The following THADA variants were observed in gnomAD, a reference collection of about 807,000 sequenced individuals.
THADA encodes the protein THADA armadillo repeat containing.
THADA carries 213 observed loss-of-function variants against 219.8 expected under a neutral mutation model. That is an observed-to-expected ratio of 0.97 (90% CI 0.87 to 1.09). THADA has a LOEUF of 1.09. Among genes scored for constraint, THADA ranks in the 50% least tolerant of loss-of-function variants. THADA has a pLI of 0.00. For missense variants in THADA, 2,956 were observed against 2,311.3 expected (o/e 1.28, Z -5.72); for synonymous variants, 1,018 against 828.9 (o/e 1.23, Z -3.92).
Position 43,577,071 on chromosome 2 carries a change from C to G in THADA, c.988G>C (p.Glu330Gln). 1 of 1,613,560 alleles carries G rather than the reference C, an allele frequency of 6.2e-7. No individual in the cohort carries two copies. The highest frequency in any genetic ancestry group is 1.3e-5 in the African/African-American group (1 of 75,044). ...WQNGSMGRSG[E>Q]ALLLDTAHVL... ...TGTGCAGTATCCAAGAGCAGGGCCT[C>G]CCCACTCCGACCCATGCTTCCGTTC... The change falls in exon 10 of 38, where the codon GAG becomes CAG. Residue 330 changes from glutamate to glutamine, a missense_variant. Transcript: ENST00000405975.
intron 25 of THADA, among the ~76,000 whole-genome samples, chr2:43,494,383 A>C (rs1485973312): frequency 6.6e-6 from 1 of 152,156 alleles, no homozygotes; most frequent in Non-Finnish European, 1.5e-5. Flanking sequence ...ATAAAATGTT[A>C]GGACCCGGGC....
At chr2:43,238,366 T>C (rs1160695830) in intron 36 of THADA, among the ~76,000 whole-genome samples, 1 of 152,030 alleles carries the variant, frequency 6.6e-6, no homozygotes, top group Non-Finnish European at 1.5e-5. Context: ...AATAAACACA[T>C]GAAAAGATGC....
At chr2:43,353,166 T>G (rs2104564961) in intron 29 of THADA, among the ~76,000 whole-genome samples, 1 of 152,330 alleles carries the variant, frequency 6.6e-6, no homozygotes, top group Middle Eastern at 3.4e-3. Context: ...ATACCCAGGT[T>G]ATTTCACTTT....
At chr2:43,275,858 C>A (rs1572876323) in intron 36 of THADA, among the ~76,000 whole-genome samples, 1 of 152,190 alleles carries the variant, frequency 6.6e-6, no homozygotes, top group South Asian at 2.1e-4. Flanking sequence ...CATGCAAATG[C>A]CAGGATTTAA....
chr2:43,290,931 C>T (rs1558526940), intron 34 of THADA, among the ~76,000 whole-genome samples: 1 of 152,070 alleles, frequency 6.6e-6, no homozygotes. Context: ...ATCTGGGCCT[C>T]CATCCAGAGC....
intron 29 of THADA, among the ~76,000 whole-genome samples, chr2:43,388,219 T>C (rs1028572774): frequency 2.0e-5 from 3 of 152,156 alleles, no homozygotes; most frequent in Admixed American, 6.5e-5. Context: ...ACAAATCCCT[T>C]CACATTATGG....
intron 34 of THADA, among the ~76,000 whole-genome samples, chr2:43,289,117 T>C (rs1377685033): frequency 2.6e-5 from 4 of 152,264 alleles, no homozygotes; most frequent in Non-Finnish European, 5.9e-5. Flanking sequence ...GTTTTCAAGG[T>C]TCACCCATGC....
At position 43,263,153 on chromosome 2, in the gene THADA, C is replaced by A. The variant is rs1671151759; in HGVS notation, c.5296+16612G>T. On this transcript the variant is annotated intron_variant, in intron 36 of 37. Transcript: ENST00000405975. ...GTTCCCTAAATGTGTCACGGCACTT[C>A]CTGGGTATACACTAATCCCTCCCCA... Among the ~76,000 whole-genome samples, 6 of 152,278 alleles carry A rather than the reference C, an allele frequency of 3.9e-5. 1 individual carries two copies. In the South Asian group the frequency reaches 1.2e-3, roughly 32 times the overall value.
chr2:43,583,091 T>G (rs1700631578), intron 7 of THADA, among the ~76,000 whole-genome samples: 1 of 152,206 alleles, frequency 6.6e-6, no homozygotes, highest in Non-Finnish European at 1.5e-5. Context: ...TGCTGATAAT[T>G]CCCAAATTTT....
intron 4 of THADA, 146 bp from the exon 5 acceptor site, chr2:43,587,148 C>T (rs935012963): frequency 1.2e-6 from 1 of 835,532 alleles, no homozygotes; most frequent in South Asian, 1.8e-5. Flanking sequence ...TACCATCACT[C>T]GAATTTCCTG....
At chr2:43,248,454 A>G (rs1239096690) in intron 36 of THADA, among the ~76,000 whole-genome samples, 1 of 151,492 alleles carries the variant, frequency 6.6e-6, no homozygotes, top group African/African-American at 2.4e-5. Context: ...CTGGTCTTGA[A>G]CTCCTGACCT....
intron 28 of THADA, among the ~76,000 whole-genome samples, chr2:43,405,393 T>A (rs972019819): frequency 6.6e-6 from 1 of 152,214 alleles, no homozygotes; most frequent in Non-Finnish European, 1.5e-5. Flanking sequence ...CCTGTAAGTA[T>A]TAAATATGTT....
chr2:43,433,317 G>C (rs1234881884), intron 26 of THADA, among the ~76,000 whole-genome samples: 2 of 152,044 alleles, frequency 1.3e-5, no homozygotes, highest in African/African-American at 4.8e-5. Flanking sequence ...ATCACCTGAG[G>C]TCAGGAGTTC....
intron 28 of THADA, among the ~76,000 whole-genome samples, chr2:43,422,822 C>T (rs2104795156): frequency 6.6e-6 from 1 of 152,242 alleles, no homozygotes; most frequent in Non-Finnish European, 1.5e-5. Context: ...TGGGCTCAAG[C>T]AATCCTCCCA....
At chr2:43,559,672 G>A (rs1216359738) in intron 16 of THADA, among the ~76,000 whole-genome samples, 1 of 152,180 alleles carries the variant, frequency 6.6e-6, no homozygotes, top group Non-Finnish European at 1.5e-5. Flanking sequence ...ACCCCAAAGT[G>A]GGAAGAGCAA....
chr2:43,423,191 G>C (rs1021553858), intron 28 of THADA, among the ~76,000 whole-genome samples: 4 of 152,050 alleles, frequency 2.6e-5, no homozygotes, highest in African/African-American at 9.7e-5. Context: ...AGGTTATTTT[G>C]AATCTTAATT....
At chr2:43,477,927 T>C (rs1052325068) in intron 26 of THADA, among the ~76,000 whole-genome samples, 2 of 152,338 alleles carry the variant, frequency 1.3e-5, no homozygotes, top group African/African-American at 4.8e-5. Flanking sequence ...CAACACCCTC[T>C]TCTCTACCTA....
In THADA at chr2:43,388,654, T is replaced by G. The variant is rs984945953; in HGVS notation, c.4227+9317A>C. The stretch of plus-strand genomic sequence containing the variant: ...AGGCAAGAACTCTGCCCTTAAAAAT[T>G]TGAGCTAATCTCAGCTCTTATAATC... On this transcript the variant is annotated intron_variant, in intron 29 of 37. Transcript: ENST00000405975. 6.6e-5 allele frequency among the ~76,000 whole-genome samples: 10 copies of G among 152,312 alleles called. No individual in the cohort carries two copies. In the East Asian group the frequency reaches 1.7e-3, roughly 26 times the overall value.
At chr2:43,395,230 A>G (rs1188767426) in intron 29 of THADA, among the ~76,000 whole-genome samples, 1 of 152,246 alleles carries the variant, frequency 6.6e-6, no homozygotes, top group Non-Finnish European at 1.5e-5. Flanking sequence ...TTGACAAGCT[A>G]GGCCTTCCTT....
Sources: allele counts gnomAD v4.1 joint callset (sites outside exome capture counted in the v4.1 genomes callset), GRCh38; gene constraint gnomAD v4.1.1; transcripts MANE v1.5; gene names NCBI Gene and HGNC (gene_info 2026-07-23, HGNC 2026-07-21).